Variants in SLC6A5 observed in about 807,000 individuals in gnomAD.
SLC6A5 encodes sodium- and chloride-dependent glycine transporter 2.
Under a neutral mutation model 90.5 loss-of-function variants are expected in SLC6A5, and 58 were observed. The observed-to-expected ratio is 0.64, with a 90% CI of 0.52 to 0.80. SLC6A5 has a LOEUF of 0.80. Among genes scored for constraint, SLC6A5 ranks in the 30% least tolerant of loss-of-function variants. The pLI is 0.00. For synonymous variants in SLC6A5, 427 were observed against 401.4 expected, an observed-to-expected ratio of 1.06 and a Z score of -0.76; for missense variants, 1,015 against 1,017.6, an observed-to-expected ratio of 1.00 and a Z score of 0.03.
intron 9 of SLC6A5, among the ~76,000 whole-genome samples, chr11:20,628,845 C>T (rs1194521666): frequency 6.6e-6 from 1 of 152,186 alleles, no homozygotes; most frequent in East Asian, 1.9e-4. Flanking sequence ...TCCTGGCCCA[C>T]ACTATTAATT....
At chr11:20,602,076 T>A (rs76335523) in intron 2 of SLC6A5, among the ~76,000 whole-genome samples, 9,004 of 152,256 alleles carry the variant, frequency 0.059, 358 homozygotes, top group Non-Finnish European at 0.082. Flanking sequence ...CACGTGGTGG[T>A]GGCTGGGGAT....
In SLC6A5 at chr11:20,638,461, T is replaced by C; in HGVS notation, c.1872T>C (p.Gly624=). The C allele has an allele frequency of 6.2e-7, 1 of 1,603,316 alleles. No homozygotes were observed. Among genetic ancestry groups the C allele is most frequent in the Non-Finnish European group, 8.5e-7 (1 of 1,170,314 alleles). The stretch of plus-strand genomic sequence containing the variant: ...TGGTTGTTTCTCTCTCCTGTTAGGG[T>C]GGAATTTACATGTTTCAGCTTGTGG... ...FIMGFPMITQ[G]GIYMFQLVDT... is the part of the protein sequence containing the mutation. The change falls in exon 13 of 16, where the codon GGT becomes GGC. Residue 624 remains glycine, a splice_region_variant and synonymous_variant. Coordinates refer to ENST00000525748, the MANE Select transcript of SLC6A5 (RefSeq NM_004211.5).
intron 2 of SLC6A5, among the ~76,000 whole-genome samples, chr11:20,602,308 T>C (rs2133769366): frequency 6.6e-6 from 1 of 152,274 alleles, no homozygotes; most frequent in Admixed American, 6.5e-5. Context: ...TGTATAAGCT[T>C]CAAGCCCCAC....
chr11:20,647,447 C>G (rs1450081516), intron 14 of SLC6A5, among the ~76,000 whole-genome samples: 4 of 133,232 alleles, frequency 3.0e-5, no homozygotes, highest in African/African-American at 1.2e-4. Context: ...ATATATATAT[C>G]AGTTCCTATA....
intron 7 of SLC6A5, among the ~76,000 whole-genome samples, chr11:20,618,314 A>G (rs1310808337): frequency 6.6e-6 from 1 of 152,198 alleles, no homozygotes; most frequent in Non-Finnish European, 1.5e-5. Flanking sequence ...CTGAAGATCA[A>G]AACTGTGTAG....
intron 13 of SLC6A5, among the ~76,000 whole-genome samples, chr11:20,645,781 G>A (rs2072217495): frequency 6.6e-6 from 1 of 151,836 alleles, no homozygotes; most frequent in Non-Finnish European, 1.5e-5. Context: ...TGGGACTCTA[G>A]GCGCCCGCCA....
Position 20,657,213 on chromosome 11 carries a change from G to A in SLC6A5, c.*2345G>A, listed in dbSNP as rs1853647549. On this transcript the variant is annotated 3_prime_UTR_variant, in exon 16 of 16. Coordinates refer to ENST00000525748, the MANE Select transcript of SLC6A5 (RefSeq NM_004211.5). Reference sequence around the variant, plus strand: ...TTATTGCTTTTGTGATTAAAAGAAGGTGGGGGTGGGGGGCTCCCACAGATG... The same window carrying A: ...TTATTGCTTTTGTGATTAAAAGAAGATGGGGGTGGGGGGCTCCCACAGATG... The A allele has an allele frequency of 6.6e-6, 1 of 151,762 alleles. No homozygotes were observed. The highest frequency in any genetic ancestry group is 2.4e-5 in the African/African-American group (1 of 41,196). 9.4% of individuals were successfully genotyped at this position (151,762 alleles called of 1,614,324 possible).
intron 13 of SLC6A5, among the ~76,000 whole-genome samples, chr11:20,644,124 T>C (rs1274529641): frequency 6.6e-6 from 1 of 152,250 alleles, no homozygotes; most frequent in Non-Finnish European, 1.5e-5. Flanking sequence ...ATATGTGTTA[T>C]ACAATGTGGA....
At position 20,655,814 on chromosome 11, in the gene SLC6A5, T is replaced by C. The variant is rs1853630790; in HGVS notation, c.*946T>C. ...ACCCTGGTTCTGTCTATATATTATATATATAGGACACATGCTCTTAAAAGA... is the reference window on the plus strand; with the variant it reads ...ACCCTGGTTCTGTCTATATATTATACATATAGGACACATGCTCTTAAAAGA... On this transcript the variant is annotated 3_prime_UTR_variant, in exon 16 of 16. Coordinates refer to ENST00000525748, the MANE Select transcript of SLC6A5 (RefSeq NM_004211.5). 6.6e-6 allele frequency: 1 copy of C among 152,226 alleles called. No individual in the cohort carries two copies. 9.4% of individuals were successfully genotyped at this position (152,226 alleles called of 1,614,324 possible). A position where few individuals can be genotyped will look rare whatever the true frequency, so the allele number is the denominator to read the frequency against.
chr11:20,626,892 G>C, intron 8 of SLC6A5, 50 bp downstream of exon 8: 1 of 1,546,926 alleles, frequency 6.5e-7, no homozygotes, highest in Non-Finnish European at 8.9e-7. Flanking sequence ...TGGCCCTCTG[G>C]GAGGCTTGGG....
Position 20,636,339 on chromosome 11 carries a change from G to A in SLC6A5, c.1657G>A (p.Ala553Thr), listed in dbSNP as rs572423350. ...PGIAFVVYPE[A>T]LTRLPLSPFW... ...CATTGCATTTGTGGTTTACCCGGAA[G>A]CCTTAACCAGGCTGCCTCTCTCTCC... The change falls in exon 11 of 16, where the codon GCC becomes ACC. Residue 553 changes from alanine to threonine, a missense_variant. Physicochemically the swap from Ala to Thr is moderately conservative, Grantham distance 58. Coordinates refer to ENST00000525748, the MANE Select transcript of SLC6A5 (RefSeq NM_004211.5). 1.2e-5 allele frequency: 19 copies of A among 1,613,932 alleles called. No homozygotes were observed. In the South Asian group the frequency reaches 1.8e-4, roughly 15 times the overall value.
rs16906547 is a variant in SLC6A5 at position 20,612,220 on chromosome 11, C to T, written c.986-2459C>T. 0.027 allele frequency among the ~76,000 whole-genome samples: 4,059 copies of T among 152,256 alleles called. 428 individuals are homozygous for T. In the East Asian group the frequency reaches 0.35, roughly 13 times the overall value. On this transcript the variant is annotated intron_variant, in intron 5 of 15. Coordinates refer to ENST00000525748, the MANE Select transcript of SLC6A5 (RefSeq NM_004211.5). ...GCCTTACGGGAGATGATGCTGAAGA[C>T]TAGAGATACTCTCTCCAGAAAAAGC...
In SLC6A5 at chr11:20,655,133, T is replaced by G; in HGVS notation, c.*265T>G. The stretch of plus-strand genomic sequence containing the variant: ...GGTCCCCTGACCACACGTTTTACCC[T>G]GCAGAGGAGGATCAGTTAGGTGAGC... On this transcript the variant is annotated 3_prime_UTR_variant, in exon 16 of 16. Coordinates refer to ENST00000525748, the MANE Select transcript of SLC6A5 (RefSeq NM_004211.5). 2.1e-6 allele frequency: 1 copy of G among 469,948 alleles called. No individual in the cohort carries two copies. Among genetic ancestry groups the G allele is most frequent in the Non-Finnish European group, 4.0e-6 (1 of 252,198 alleles). The allele number at this position is 469,948 out of a possible 1,614,324, so 29.1% of individuals were successfully genotyped here. A position where few individuals can be genotyped will look rare whatever the true frequency, so the allele number is the denominator to read the frequency against.
At chr11:20,622,308 A>G (rs886644858) in intron 7 of SLC6A5, among the ~76,000 whole-genome samples, 1 of 152,174 alleles carries the variant, frequency 6.6e-6, no homozygotes, top group Non-Finnish European at 1.5e-5. Context: ...TGAATGCATC[A>G]CCTGGGTGAG....
chr11:20,607,737 G>A, intron 5 of SLC6A5, 85 bp downstream of exon 5: 13 of 1,053,710 alleles, frequency 1.2e-5, no homozygotes, highest in Non-Finnish European at 1.8e-5. Flanking sequence ...TATTATGCAT[G>A]CTAGGACCTA....
chr11:20,600,273 G>A (rs1852432341), intron 1 of SLC6A5, among the ~76,000 whole-genome samples: 1 of 150,936 alleles, frequency 6.6e-6, no homozygotes, highest in African/African-American at 2.4e-5. Flanking sequence ...TGGTACTCAA[G>A]CAAGCTTAGA....
chr11:20,644,730 C>A (rs1224403987), intron 13 of SLC6A5, among the ~76,000 whole-genome samples: 5 of 152,142 alleles, frequency 3.3e-5, no homozygotes, highest in Non-Finnish European at 7.4e-5. Context: ...CTTGAGTGTA[C>A]AACTCAATGA....
rs180697611 is a variant in SLC6A5 at position 20,644,705 on chromosome 11, C to A, written c.1970-2129C>A. Reference sequence around the variant, plus strand: ...ACAGTGTACTAGGGTTACTTTTTGCCACAAGAGCATGTATCTTGAGTGTAC... The same window carrying A: ...ACAGTGTACTAGGGTTACTTTTTGCAACAAGAGCATGTATCTTGAGTGTAC... On this transcript the variant is annotated intron_variant, in intron 13 of 15. Coordinates refer to ENST00000525748, the MANE Select transcript of SLC6A5 (RefSeq NM_004211.5). Among the ~76,000 whole-genome samples, 352 of 152,256 alleles carry A rather than the reference C, an allele frequency of 2.3e-3. 3 individuals are homozygous for A. The South Asian group carries it at 0.025, about 11-fold the overall frequency.
intron 9 of SLC6A5, among the ~76,000 whole-genome samples, chr11:20,629,810 A>C (rs1460592404): frequency 1.3e-5 from 2 of 150,810 alleles, no homozygotes; most frequent in Admixed American, 1.3e-4. Flanking sequence ...GCTCACTGCA[A>C]CCTCCACCTC....
Sources: gnomAD v4.1 joint callset for allele counts (sites outside exome capture counted in the v4.1 genomes callset) on GRCh38, gnomAD v4.1.1 for gene constraint, MANE v1.5 for transcripts, NCBI Gene and HGNC (gene_info 2026-07-23, HGNC 2026-07-21) for gene names.